CYP2C19: variants seen among roughly 807,000 people sequenced by gnomAD.
CYP2C19 encodes cytochrome P450 2C19.
A neutral mutation model predicts 40.9 loss-of-function variants in CYP2C19; 59 were observed. That is an observed-to-expected ratio of 1.44 (90% confidence interval 1.17 to 1.79). CYP2C19 has a LOEUF of 1.79. Among genes scored for constraint, CYP2C19 ranks in the 40% most tolerant of loss-of-function variants. The probability of loss-of-function intolerance (pLI) is 0.00; values close to 1 mark genes in which losing one functional copy is unlikely to be tolerated. For missense variants in CYP2C19, 754 were observed against 596.9 expected (o/e 1.26, Z -2.74); for synonymous variants, 253 against 208.7 (o/e 1.21, Z -1.83).
chr10:94,830,403 G>C (rs1199699470), intron 6 of CYP2C19, among the ~76,000 whole-genome samples: 2 of 152,164 alleles, frequency 1.3e-5, no homozygotes, highest in African/African-American at 4.8e-5. Flanking sequence ...ATTCGGGTGG[G>C]AGTGACCCGA....
intron 6 of CYP2C19, among the ~76,000 whole-genome samples, chr10:94,842,144 T>G (rs1037899413): frequency 1.3e-5 from 2 of 152,320 alleles, no homozygotes; most frequent in Non-Finnish European, 2.9e-5. Context: ...GTTCTAATTA[T>G]GTTTCTTTTA....
In CYP2C19 at chr10:94,775,087, T is replaced by A. The variant is rs1209366478; in HGVS notation, c.198T>A (p.Thr66=). The A allele has an allele frequency of 3.7e-6, 6 of 1,614,042 alleles. No homozygotes were observed. The Admixed American group carries it at 1.0e-4, about 27-fold the overall frequency. The stretch of plus-strand genomic sequence containing the variant: ...CAAAAATCTATGGCCCTGTGTTCAC[T>A]CTGTATTTTGGCCTGGAACGCATGG... ...NLSKIYGPVF[T]LYFGLERMVV... Residue 66 remains threonine, a synonymous_variant, in exon 2 of 9, where the codon ACT becomes ACA. Coordinates refer to ENST00000371321, the MANE Select transcript of CYP2C19 (RefSeq NM_000769.4).
At chr10:94,788,761 TG>T (rs999436452) in intron 5 of CYP2C19, among the ~76,000 whole-genome samples, 6 of 152,182 alleles carry the variant, frequency 3.9e-5, no homozygotes, top group African/African-American at 1.4e-4. Context: ...TTGGCATTTG[TG>T]TTGGTTCCAA....
At position 94,825,881 on chromosome 10, in the gene CYP2C19, G is replaced by A. The variant is rs1589369277; in HGVS notation, c.961+5244G>A. On this transcript the variant is annotated intron_variant, in intron 6 of 8. Coordinates refer to ENST00000371321, the MANE Select transcript of CYP2C19 (RefSeq NM_000769.4). ...AGTTTCAGCTTTCTACATATGGCTAGCCAGCTTTCCCAGCACCATTTATTA... is the reference window on the plus strand; with the variant it reads ...AGTTTCAGCTTTCTACATATGGCTAACCAGCTTTCCCAGCACCATTTATTA... 2.0e-5 allele frequency among the ~76,000 whole-genome samples: 3 copies of A among 151,486 alleles called. No individual in the cohort carries two copies. In the South Asian group the frequency reaches 6.3e-4, roughly 32 times the overall value.
At chr10:94,764,605 G>A (rs1296046547) in intron 1 of CYP2C19, among the ~76,000 whole-genome samples, 1 of 152,116 alleles carries the variant, frequency 6.6e-6, no homozygotes, top group Non-Finnish European at 1.5e-5. Flanking sequence ...CTGGAGAGGG[G>A]TGAAGAAGGG....
At chr10:94,824,655 A>C (rs1453941148) in intron 6 of CYP2C19, among the ~76,000 whole-genome samples, 1 of 152,010 alleles carries the variant, frequency 6.6e-6, no homozygotes, top group Admixed American at 6.6e-5. Flanking sequence ...GTTTTCAAAC[A>C]TTTCATTTTT....
chr10:94,775,011 G>A lies in CYP2C19; in HGVS notation c.169-47G>A, dbSNP rs17878649. On this transcript the variant is annotated intron_variant, in intron 1 of 8. Coordinates refer to ENST00000371321, the MANE Select transcript of CYP2C19 (RefSeq NM_000769.4). ...GAATCTAAGTCAGGCTTAGTAAATGGACAAAACAGTGACTTCATTTGCTGT... is the reference window on the plus strand; with the variant it reads ...GAATCTAAGTCAGGCTTAGTAAATGAACAAAACAGTGACTTCATTTGCTGT... The A allele has an allele frequency of 4.0e-3, 6,471 of 1,598,240 alleles. 231 individuals carry two copies. The East Asian group carries it at 0.089, about 22-fold the overall frequency.
intron 5 of CYP2C19, among the ~76,000 whole-genome samples, chr10:94,793,415 C>G (rs746836113): frequency 1.6e-4 from 24 of 152,164 alleles, no homozygotes; most frequent in Admixed American, 1.6e-3. Context: ...GGAGCTGCTT[C>G]CTTTGGAGGA....
chr10:94,840,732 C>T (rs534316869), intron 6 of CYP2C19, among the ~76,000 whole-genome samples: 1 of 152,340 alleles, frequency 6.6e-6, no homozygotes, highest in South Asian at 2.1e-4. Context: ...CAACAGCTTT[C>T]TGCCTCTAGT....
chr10:94,833,516 T>C (rs1038202031), intron 6 of CYP2C19, among the ~76,000 whole-genome samples: 1 of 152,174 alleles, frequency 6.6e-6, no homozygotes, highest in African/African-American at 2.4e-5. Flanking sequence ...TAGTTACATA[T>C]GTATACATGT....
chr10:94,783,074 G>A (rs1261250638), intron 5 of CYP2C19, among the ~76,000 whole-genome samples: 1 of 152,012 alleles, frequency 6.6e-6, no homozygotes, highest in Admixed American at 6.6e-5. Context: ...AATCCTGCAC[G>A]TTCTGCACAT....
At chr10:94,786,215 C>T (rs56358710) in intron 5 of CYP2C19, among the ~76,000 whole-genome samples, 13,434 of 152,116 alleles carry the variant, frequency 0.088, 775 homozygotes, top group Middle Eastern at 0.14. Flanking sequence ...AATGTAGCTG[C>T]TTCATCACCA....
chr10:94,809,058 A>G (rs1197720897), intron 5 of CYP2C19, among the ~76,000 whole-genome samples: 2 of 152,184 alleles, frequency 1.3e-5, no homozygotes, highest in African/African-American at 4.8e-5. Flanking sequence ...CAAAAAATAT[A>G]TGAGGGTTCC....
chr10:94,793,356 T>A (rs1266521883), intron 5 of CYP2C19, among the ~76,000 whole-genome samples: 1 of 152,186 alleles, frequency 6.6e-6, no homozygotes, highest in Non-Finnish European at 1.5e-5. Context: ...CCTTCTTCTC[T>A]CAACTCGTGA....
chr10:94,821,615 C>G (rs930170675), intron 6 of CYP2C19, among the ~76,000 whole-genome samples: 1 of 151,990 alleles, frequency 6.6e-6, no homozygotes, highest in Non-Finnish European at 1.5e-5. Flanking sequence ...ATAATTTTAT[C>G]TTTTATGAAC....
At chr10:94,832,714 T>C (rs190933360) in intron 6 of CYP2C19, among the ~76,000 whole-genome samples, 1 of 152,296 alleles carries the variant, frequency 6.6e-6, no homozygotes, top group East Asian at 1.9e-4. Context: ...CAGTTTTGTT[T>C]TTTTTGCTTA....
rs145328984 is a variant in CYP2C19 at position 94,775,106 on chromosome 10, C to A, written c.217C>A (p.Arg73Ser). 1.1e-5 allele frequency: 18 copies of A among 1,614,092 alleles called. No homozygotes were observed. Among genetic ancestry groups the A allele is most frequent in the Non-Finnish European group, 1.5e-5 (18 of 1,180,034 alleles). ...PVFTLYFGLERMVVLHGYEVV... is the reference protein window; with the variant it reads ...PVFTLYFGLESMVVLHGYEVV... ...GTTCACTCTGTATTTTGGCCTGGAA[C>A]GCATGGTGGTGCTGCATGGATATGA... is the stretch of plus-strand genomic sequence containing the variant. Residue 73 changes from arginine to serine, a missense_variant, in exon 2 of 9, where the codon CGC (arginine) becomes AGC (serine). Physicochemically the swap from Arg to Ser is moderately radical, Grantham distance 110. Transcript: ENST00000371321.
At chr10:94,792,863 T>C (rs1034987588) in intron 5 of CYP2C19, among the ~76,000 whole-genome samples, 1 of 152,176 alleles carries the variant, frequency 6.6e-6, no homozygotes, top group African/African-American at 2.4e-5. Context: ...AGTATCTTTG[T>C]GGCATTTTCT....
chr10:94,804,214 G>T (rs1255447923), intron 5 of CYP2C19, among the ~76,000 whole-genome samples: 1 of 152,126 alleles, frequency 6.6e-6, no homozygotes, highest in African/African-American at 2.4e-5. Flanking sequence ...ACCATTTCCA[G>T]GTCACCAAGC....
Sources: allele counts gnomAD v4.1 joint callset (sites outside exome capture counted in the v4.1 genomes callset), GRCh38; gene constraint gnomAD v4.1.1; transcripts MANE v1.5; gene names NCBI Gene and HGNC (gene_info 2026-07-23, HGNC 2026-07-21).